Variants in RETREG1 observed in about 807,000 individuals in gnomAD.
RETREG1 encodes reticulophagy regulator 1.
In RETREG1, 44 loss-of-function variants were observed where a neutral mutation model predicts 54.8. The observed-to-expected ratio is 0.80, with a 90% confidence interval of 0.63 to 1.03. The LOEUF (loss-of-function observed/expected upper bound fraction) is 1.03, where lower values mean the gene tolerates loss of function less well. RETREG1 is among the 50% of genes least tolerant of loss of function. The pLI is 0.00. For missense variants in RETREG1, 554 were observed against 605.1 expected (o/e 0.92, Z 0.89); for synonymous variants, 217 against 238.5 (o/e 0.91, Z 0.83).
intron 3 of RETREG1, among the ~76,000 whole-genome samples, chr5:16,498,124 C>T (rs922076147): frequency 6.6e-5 from 10 of 152,170 alleles, no homozygotes; most frequent in Admixed American, 1.3e-4. Context: ...CACAATATTT[C>T]GGAATGGAGA....
chr5:16,545,430 C>G (rs367791777), intron 3 of RETREG1, among the ~76,000 whole-genome samples: 1 of 152,066 alleles, frequency 6.6e-6, no homozygotes, highest in Non-Finnish European at 1.5e-5. Context: ...CTTAAGGAAG[C>G]TTTGGTGTCC....
intron 3 of RETREG1, among the ~76,000 whole-genome samples, chr5:16,511,957 G>C (rs1688975732): frequency 6.6e-6 from 1 of 152,150 alleles, no homozygotes; most frequent in Non-Finnish European, 1.5e-5. Context: ...TTCAGTATGA[G>C]ATTTAGTGGG....
At chr5:16,581,835 A>ATATTTTATTT (rs897109496) in intron 1 of RETREG1, among the ~76,000 whole-genome samples, 1 of 152,182 alleles carries the variant, frequency 6.6e-6, no homozygotes, top group South Asian at 2.1e-4. Context: ...ACCTTTTAAA[A>ATATTTTATTT]TATTTTATTT....
chr5:16,535,274 C>T (rs890725063), intron 3 of RETREG1, among the ~76,000 whole-genome samples: 33 of 152,340 alleles, frequency 2.2e-4, no homozygotes, highest in African/African-American at 7.9e-4. Context: ...TCATTGATTT[C>T]CAGGATACCA....
chr5:16,493,081 G>C (rs1739315493), intron 3 of RETREG1, among the ~76,000 whole-genome samples: 1 of 151,840 alleles, frequency 6.6e-6, no homozygotes, highest in South Asian at 2.1e-4. Context: ...GTTCTATTTG[G>C]GGCTCTCCCT....
In RETREG1 at chr5:16,474,243, C is replaced by T. The variant is rs554300777; in HGVS notation, c.*498G>A. 22 of 157,248 alleles carry T rather than the reference C, an allele frequency of 1.4e-4. No homozygotes were observed. In the South Asian group the frequency reaches 3.6e-3, roughly 26 times the overall value. 9.7% of individuals were successfully genotyped at this position (157,248 alleles called of 1,614,324 possible). A position where few individuals can be genotyped will look rare whatever the true frequency, so the allele number is the denominator to read the frequency against. ...TTTCCCAAGTCCTTCAACTAAGATA[C>T]CTTGATAATTTCGGTCTTTTTTACA... On this transcript the variant is annotated 3_prime_UTR_variant, in exon 9 of 9. Coordinates refer to ENST00000306320, the MANE Select transcript of RETREG1 (RefSeq NM_001034850.3).
chr5:16,510,973 T>C (rs1040505706), intron 3 of RETREG1, among the ~76,000 whole-genome samples: 7 of 152,194 alleles, frequency 4.6e-5, no homozygotes, highest in African/African-American at 1.7e-4. Flanking sequence ...ATAACTGTTG[T>C]TGATCTTAGT....
chr5:16,585,453 AC>A lies in RETREG1; in HGVS notation c.321-13352del, dbSNP rs755062878. Reference sequence around the variant, plus strand: ...GCCATGGGTAAATCAAGTCAGGGGCACCCTAGGGCAGTGCAATGTGCTCCTT... The same window carrying A: ...GCCATGGGTAAATCAAGTCAGGGGCACCTAGGGCAGTGCAATGTGCTCCTT... On this transcript the variant is annotated intron_variant, in intron 1 of 8. Transcript: ENST00000306320. The surrounding 1 kb of genome is among the most constrained non-coding windows in gnomAD (Gnocchi z 4.5). 2.0e-5 allele frequency among the ~76,000 whole-genome samples: 3 copies of A among 152,116 alleles called. No individual in the cohort carries two copies. Among genetic ancestry groups the A allele is most frequent in the African/African-American group, 2.4e-5 (1 of 41,430 alleles).
intron 2 of RETREG1, 102 bp from the exon 3 acceptor site, chr5:16,565,895 C>A: frequency 1.6e-6 from 2 of 1,258,006 alleles, no homozygotes; most frequent in South Asian, 2.6e-5. Context: ...GTGGAATGCT[C>A]AGATCTCTAA....
intron 3 of RETREG1, among the ~76,000 whole-genome samples, chr5:16,485,903 G>C (rs1738999407): frequency 6.6e-6 from 1 of 152,092 alleles, no homozygotes; most frequent in African/African-American, 2.4e-5. Flanking sequence ...AATGCTGGTA[G>C]CACTATTCCT....
chr5:16,576,222 A>C (rs1169940103), intron 1 of RETREG1, among the ~76,000 whole-genome samples: 1 of 152,126 alleles, frequency 6.6e-6, no homozygotes, highest in African/African-American at 2.4e-5. Flanking sequence ...TATTTGAAGC[A>C]AATCCCAAAC....
At chr5:16,489,550 A>G (rs1156981452) in intron 3 of RETREG1, among the ~76,000 whole-genome samples, 1 of 152,232 alleles carries the variant, frequency 6.6e-6, no homozygotes, top group Non-Finnish European at 1.5e-5. Context: ...AGCACTAGAA[A>G]AAATAATGCT....
At chr5:16,481,581 A>C (rs1738774895) in intron 4 of RETREG1, among the ~76,000 whole-genome samples, 1 of 152,080 alleles carries the variant, frequency 6.6e-6, no homozygotes, top group Non-Finnish European at 1.5e-5. Flanking sequence ...CGTAATTTAC[A>C]CAAATCTAAT....
intron 3 of RETREG1, among the ~76,000 whole-genome samples, chr5:16,554,493 T>C (rs1448671124): frequency 6.6e-6 from 1 of 152,200 alleles, no homozygotes; most frequent in Non-Finnish European, 1.5e-5. Flanking sequence ...CTCTTTTTCA[T>C]TGAATGTCTT....
chr5:16,519,590 C>CT (rs767918966), intron 3 of RETREG1, among the ~76,000 whole-genome samples: 135 of 152,190 alleles, frequency 8.9e-4, no homozygotes, highest in Non-Finnish European at 5.7e-4. Context: ...CTCAAAGCTC[C>CT]TTTCAGCCCA....
intron 3 of RETREG1, among the ~76,000 whole-genome samples, chr5:16,543,584 G>A (rs1204369931): frequency 2.0e-5 from 3 of 151,692 alleles, no homozygotes; most frequent in African/African-American, 4.8e-5. Context: ...ACTGAGGCAG[G>A]AGAATCACTT....
At chr5:16,504,708 G>T (rs1026830044) in intron 3 of RETREG1, among the ~76,000 whole-genome samples, 18 of 152,198 alleles carry the variant, frequency 1.2e-4, no homozygotes, top group Admixed American at 4.6e-4. Context: ...CCTTCAAATC[G>T]CAACTCCCTC....
intron 3 of RETREG1, among the ~76,000 whole-genome samples, chr5:16,533,002 G>T (rs896508122): frequency 6.6e-6 from 1 of 152,092 alleles, no homozygotes; most frequent in Non-Finnish European, 1.5e-5. Context: ...AGAGTTGAAT[G>T]GAATTTGCAA....
chr5:16,532,553 C>T (rs960981344), intron 3 of RETREG1, among the ~76,000 whole-genome samples: 4 of 152,134 alleles, frequency 2.6e-5, no homozygotes, highest in African/African-American at 9.7e-5. Flanking sequence ...AAGGCAATTA[C>T]CTAGATGTCA....
Sources: gnomAD v4.1 joint callset for allele counts (sites outside exome capture counted in the v4.1 genomes callset) on GRCh38, gnomAD v4.1.1 for gene constraint, Gnocchi (gnomAD v3.1) non-coding constraint, MANE v1.5 for transcripts, NCBI Gene and HGNC (gene_info 2026-07-23, HGNC 2026-07-21) for gene names.